Variants in HERC1 observed in about 807,000 individuals in gnomAD.
HERC1 encodes the protein HECT and RLD domain containing E3 ubiquitin protein ligase family member 1, also known as probable E3 ubiquitin-protein ligase HERC1.
A neutral mutation model predicts 554.3 loss-of-function variants in HERC1; 160 were observed. The observed-to-expected ratio is 0.29, with a 90% CI of 0.25 to 0.33. The LOEUF is 0.33. Among genes scored for constraint, HERC1 ranks in the 10% least tolerant of loss-of-function variants. The pLI is 1.00. For missense variants in HERC1, 4,919 were observed against 5,918.5 expected (o/e 0.83, Z 5.54); for synonymous variants, 2,175 against 2,131.7 (o/e 1.02, Z -0.56).
intron 40 of HERC1, among the ~76,000 whole-genome samples, chr15:63,667,359 T>C (rs769914803): frequency 2.6e-5 from 4 of 152,142 alleles, no homozygotes; most frequent in Non-Finnish European, 5.9e-5. Context: ...TATTATTCCA[T>C]GTATTCAGTA....
At chr15:63,630,666 A>G (rs1204930391) in intron 68 of HERC1, 31 bp from the exon 69 acceptor site, 1 of 1,597,858 alleles carries the variant, frequency 6.3e-7, no homozygotes, top group Admixed American at 1.7e-5. Flanking sequence ...ACATGTGGAA[A>G]TGTTATGCAC....
intron 44 of HERC1, among the ~76,000 whole-genome samples, chr15:63,662,605 C>A (rs1365408941): frequency 2.0e-5 from 3 of 152,156 alleles, no homozygotes; most frequent in Non-Finnish European, 4.4e-5. Context: ...TAAATGGAAC[C>A]TATGAAGGAG....
At chr15:63,650,419 T>C (rs1745412661) in intron 53 of HERC1, among the ~76,000 whole-genome samples, 2 of 145,352 alleles carry the variant, frequency 1.4e-5, no homozygotes, top group Non-Finnish European at 3.0e-5. Context: ...TCTGTAACCT[T>C]TTTTTTTTTT....
chr15:63,829,306 C>T (rs1355597563), intron 1 of HERC1, among the ~76,000 whole-genome samples: 2 of 151,076 alleles, frequency 1.3e-5, no homozygotes, highest in Non-Finnish European at 2.9e-5. Context: ...ATCTGTAGTC[C>T]CAGCTACTTG....
intron 2 of HERC1, 48 bp from the exon 3 acceptor site, chr15:63,764,239 A>G: frequency 1.7e-6 from 2 of 1,201,700 alleles, no homozygotes; most frequent in Non-Finnish European, 2.4e-6. Context: ...GGAGAGACAT[A>G]TGCATTAAAA....
chr15:63,655,179 C>T (rs1177134181), intron 50 of HERC1, among the ~76,000 whole-genome samples: 5 of 151,914 alleles, frequency 3.3e-5, no homozygotes, highest in African/African-American at 1.2e-4. Context: ...CATGGCGAAA[C>T]CCCATCTCTA....
intron 74 of HERC1, among the ~76,000 whole-genome samples, chr15:63,617,654 A>C (rs1246481155): frequency 6.6e-6 from 1 of 152,160 alleles, no homozygotes; most frequent in African/African-American, 2.4e-5. Context: ...ATTTCTCCAC[A>C]TTCTCTCCAG....
chr15:63,761,829 C>T (rs1464039331), intron 3 of HERC1, among the ~76,000 whole-genome samples: 1 of 152,056 alleles, frequency 6.6e-6, no homozygotes, highest in Non-Finnish European at 1.5e-5. Context: ...TGGGAATTAG[C>T]AATCTTAGTT....
intron 22 of HERC1, among the ~76,000 whole-genome samples, chr15:63,714,799 G>A (rs991557266): frequency 6.6e-6 from 1 of 151,762 alleles, no homozygotes; most frequent in Non-Finnish European, 1.5e-5. Context: ...CGCCTGCCTC[G>A]GCCTCCCAAA....
chr15:63,789,078 GTTTTTTTTTTTT>G (rs71131178), intron 1 of HERC1, among the ~76,000 whole-genome samples: 2 of 83,614 alleles, frequency 2.4e-5, no homozygotes, highest in South Asian at 3.8e-4. Context: ...GGAATAAAAG[GTTTTTTTTTTTT>G]TTTTTTTTTT....
Position 63,775,943 on chromosome 15 carries a change from C to T in HERC1, c.-26-294G>A, listed in dbSNP as rs1343357617. Among the ~76,000 whole-genome samples the T allele has an allele frequency of 6.6e-6, 1 of 150,732 alleles. No individual in the cohort carries two copies. The highest frequency in any genetic ancestry group is 1.5e-5 in the Non-Finnish European group (1 of 67,888). On this transcript the variant is annotated intron_variant, in intron 1 of 77. Coordinates refer to ENST00000443617, the MANE Select transcript of HERC1 (RefSeq NM_003922.4). The surrounding 1 kb of genome is among the most constrained non-coding windows in gnomAD (Gnocchi z 4.0). Reference sequence around the variant, plus strand: ...GTCCCAGCTGCTTGGGAGGCTGAGGCAGGAGAATCGCTTGAACCTGGGAGG... The same window carrying T: ...GTCCCAGCTGCTTGGGAGGCTGAGGTAGGAGAATCGCTTGAACCTGGGAGG...
chr15:63,666,201 C>G, intron 41 of HERC1, 51 bp from the exon 42 acceptor site: 4 of 1,495,026 alleles, frequency 2.7e-6, no homozygotes, highest in Non-Finnish European at 3.7e-6. Context: ...AGAATTAGGT[C>G]TTTATGTTAT....
At chr15:63,806,119 T>A (rs373301641) in intron 1 of HERC1, among the ~76,000 whole-genome samples, 1 of 152,036 alleles carries the variant, frequency 6.6e-6, no homozygotes, top group Non-Finnish European at 1.5e-5. Context: ...TCACTACAGA[T>A]ACCTCCCAAA....
chr15:63,753,737 T>C (rs1025441776), intron 7 of HERC1, among the ~76,000 whole-genome samples: 6 of 152,210 alleles, frequency 3.9e-5, no homozygotes, highest in Admixed American at 6.5e-5. Context: ...TAGTCATTCA[T>C]TGTGTTGTTA....
intron 27 of HERC1, 121 bp downstream of exon 27, chr15:63,696,003 T>C: frequency 2.9e-6 from 2 of 698,402 alleles, no homozygotes; most frequent in Non-Finnish European, 4.8e-6. Context: ...GGAGCTATCT[T>C]AAAAAATTTA....
intron 59 of HERC1, among the ~76,000 whole-genome samples, chr15:63,641,964 T>A (rs2069085998): frequency 6.6e-6 from 1 of 152,190 alleles, no homozygotes. Context: ...AAGTCATGTC[T>A]GACATGACTA....
At chr15:63,825,768 A>ATT (rs1302989633) in intron 1 of HERC1, among the ~76,000 whole-genome samples, 1 of 148,856 alleles carries the variant, frequency 6.7e-6, no homozygotes. Flanking sequence ...AAAAATAATA[A>ATT]TTTTTTTTTT....
Position 63,725,452 on chromosome 15 carries a change from T to C in HERC1, c.3408A>G (p.Val1136=), listed in dbSNP as rs1305512820. ...TTGTTCTTTCTAGATCCACAAGCCA[T>C]ACCCAGGACTGAGCTGGCTGAGGTA... The part of the protein sequence containing the change: ...LPLPQPAQSW[V]WLVDLERTIA... Residue 1136 remains valine, a synonymous_variant, in exon 18 of 78, where the codon GTA becomes GTG. Transcript: ENST00000443617. 1 of 1,613,924 alleles carries C rather than the reference T, an allele frequency of 6.2e-7. No individual in the cohort carries two copies.
At position 63,636,087 on chromosome 15, in the gene HERC1, G is replaced by A; in HGVS notation, c.12288C>T (p.Ala4096=). Reference sequence around the variant, plus strand: ...TAAAGACCTCACCACTTTCAGTTAGGGCCATAGAGTGCCCATCAGAACCAC... The same window carrying A: ...TAAAGACCTCACCACTTTCAGTTAGAGCCATAGAGTGCCCATCAGAACCAC... The part of the protein sequence containing the change: ...TSCGSDGHSM[A]LTESGEVFSW... Residue 4096 remains alanine, a synonymous_variant, in exon 65 of 78, where the codon GCC becomes GCT. Coordinates refer to ENST00000443617, the MANE Select transcript of HERC1 (RefSeq NM_003922.4). 6.2e-7 allele frequency: 1 copy of A among 1,613,662 alleles called. No homozygotes were observed. The highest frequency in any genetic ancestry group is 8.5e-7 in the Non-Finnish European group (1 of 1,179,836).
Sources: gnomAD v4.1 joint callset for allele counts (sites outside exome capture counted in the v4.1 genomes callset) on GRCh38, gnomAD v4.1.1 for gene constraint, Gnocchi (gnomAD v3.1) non-coding constraint, MANE v1.5 for transcripts, NCBI Gene and HGNC (gene_info 2026-07-23, HGNC 2026-07-21) for gene names.